Variants in PLD1 observed in about 807,000 individuals in gnomAD.
PLD1 encodes the protein phospholipase D1, also known as choline phosphatase 1.
In PLD1, 112 loss-of-function variants were observed where a neutral mutation model predicts 137.1. That is an observed-to-expected ratio of 0.82 (90% CI 0.70 to 0.96). PLD1 has a LOEUF of 0.96. Ranked by LOEUF, PLD1 falls within the 40% of genes least tolerant of loss-of-function variation. The pLI is 0.00. For missense variants in PLD1, 1,321 were observed against 1,342.0 expected (o/e 0.98, Z 0.24); for synonymous variants, 431 against 454.7 (o/e 0.95, Z 0.66).
intron 12 of PLD1, among the ~76,000 whole-genome samples, chr3:171,697,898 A>C (rs1215388242): frequency 6.6e-6 from 1 of 152,220 alleles, no homozygotes; most frequent in African/African-American, 2.4e-5. Context: ...TTATTTATGT[A>C]CATCCTCATA....
intron 21 of PLD1, among the ~76,000 whole-genome samples, chr3:171,645,711 C>T (rs1028675705): frequency 3.9e-4 from 59 of 151,710 alleles, no homozygotes; most frequent in East Asian, 9.7e-4. Context: ...GGTGAAACCC[C>T]GTCTCTACTA....
chr3:171,691,224 A>C (rs1428880827), intron 13 of PLD1, among the ~76,000 whole-genome samples: 1 of 152,152 alleles, frequency 6.6e-6, no homozygotes, highest in Non-Finnish European at 1.5e-5. Flanking sequence ...TCTCTTGTAG[A>C]TACCATATAG....
chr3:171,675,157 T>C (rs1713223891), intron 18 of PLD1, among the ~76,000 whole-genome samples: 1 of 152,114 alleles, frequency 6.6e-6, no homozygotes. Flanking sequence ...TTGTTTTATA[T>C]TTGTAAAGAC....
In PLD1 at chr3:171,737,745, A is replaced by G. The variant is rs1381266253; in HGVS notation, c.161-86T>C. ...GGCATTCTTTTAAGAATCACGTGTT[A>G]AAACAAGTAAGCCTCTTATAAAATG... On this transcript the variant is annotated intron_variant, in intron 2 of 26. Coordinates refer to ENST00000351298, the MANE Select transcript of PLD1 (RefSeq NM_002662.5). 2.4e-6 allele frequency: 3 copies of G among 1,274,744 alleles called. No homozygotes were observed. In the East Asian group the frequency reaches 7.1e-5, roughly 30 times the overall value. The allele number at this position is 1,274,744 out of a possible 1,614,324, so 79.0% of individuals were successfully genotyped here.
In PLD1 at chr3:171,764,859, GAAAGAAAGAAAGAAAGAAAGAAAGAA is replaced by G. The variant is rs1560288053; in HGVS notation, c.-31-26803_-31-26778del. On this transcript the variant is annotated intron_variant, in intron 1 of 26. Transcript: ENST00000351298. The stretch of plus-strand genomic sequence containing the variant: ...AGAAAGAAAGAAAGAAAGAAAGAAA[GAAAGAAAGAAAGAAAGAAAGAAAGAA>G]AGAAAGAAAGGAAGGAAGGAAGGAA... Among the ~76,000 whole-genome samples, 2 of 22,468 alleles carry G rather than the reference GAAAGAAAGAAAGAAAGAAAGAAAGAA, an allele frequency of 8.9e-5. 1 individual carries two copies. The highest frequency in any genetic ancestry group is 3.8e-4 in the African/African-American group (2 of 5,330). The allele number at this position is 22,468 out of a possible 152,430, so 14.7% of individuals were successfully genotyped here. A position where few individuals can be genotyped will look rare whatever the true frequency, so the allele number is the denominator to read the frequency against.
intron 11 of PLD1, 89 bp from the exon 12 acceptor site, chr3:171,699,915 A>C: frequency 1.1e-6 from 1 of 934,816 alleles, no homozygotes; most frequent in Non-Finnish European, 1.7e-6. Flanking sequence ...TTTCAGCCCA[A>C]TTCAACCCCA....
At chr3:171,664,478 G>A (rs1185066196) in intron 19 of PLD1, among the ~76,000 whole-genome samples, 1 of 144,880 alleles carries the variant, frequency 6.9e-6, no homozygotes, top group Admixed American at 6.8e-5. Context: ...TTTTTTTTGA[G>A]ACGGAGTCTT....
chr3:171,781,156 G>T (rs185438894), intron 1 of PLD1, among the ~76,000 whole-genome samples: 7 of 151,852 alleles, frequency 4.6e-5, no homozygotes, highest in African/African-American at 1.4e-4. Flanking sequence ...CTCAGAAATA[G>T]ATGCACACTT....
At chr3:171,807,688 G>T (rs1313992101) in intron 1 of PLD1, among the ~76,000 whole-genome samples, 2 of 152,186 alleles carry the variant, frequency 1.3e-5, no homozygotes, top group African/African-American at 4.8e-5. Flanking sequence ...ACTCAAAACG[G>T]AACTACCATT....
rs1331804804 is a variant in PLD1, at chr3:171,627,063, CA to C, written c.2594-6544del. ...GCTCCAATTAAAAGACACAGACTGG[CA>C]AATTGGATAAAGAGTCAAGACCCAT... On this transcript the variant is annotated intron_variant, in intron 23 of 26. Transcript: ENST00000351298. 2.0e-5 allele frequency among the ~76,000 whole-genome samples: 3 copies of C among 152,116 alleles called. No homozygotes were observed. In the East Asian group the frequency reaches 5.8e-4, roughly 29 times the overall value.
At position 171,692,445 on chromosome 3, in the gene PLD1, GT is replaced by G. The variant is rs746201727; in HGVS notation, c.1228-4del. 3 of 1,458,232 alleles carry G rather than the reference GT, an allele frequency of 2.1e-6. No homozygotes were observed. The highest frequency in any genetic ancestry group is 2.9e-6 in the Non-Finnish European group (3 of 1,038,446). The allele number at this position is 1,458,232 out of a possible 1,614,324, so 90.3% of individuals were successfully genotyped here. On this transcript the variant is annotated splice_region_variant and splice_polypyrimidine_tract_variant and intron_variant, in intron 12 of 26. Transcript: ENST00000351298. ...ATGAAGATCCTCACTCCTTGTTGCT[GT>G]CACAGGAGAAAACCGATGGAGGAAT... is the stretch of plus-strand genomic sequence containing the variant.
chr3:171,669,745 T>C (rs1397338968), intron 19 of PLD1, among the ~76,000 whole-genome samples: 2 of 152,248 alleles, frequency 1.3e-5, no homozygotes, highest in East Asian at 1.9e-4. Context: ...AAGGCTGTTT[T>C]TGATGGAACT....
intron 21 of PLD1, among the ~76,000 whole-genome samples, chr3:171,652,787 T>TG (rs1736897747): frequency 8.2e-6 from 1 of 121,472 alleles, no homozygotes; most frequent in Admixed American, 7.9e-5. Context: ...TTTTTTTTTT[T>TG]TTTTTTTTGT....
At chr3:171,733,591 C>A in intron 5 of PLD1, 82 bp from the exon 6 acceptor site, 1 of 576,496 alleles carries the variant, frequency 1.7e-6, no homozygotes, top group Non-Finnish European at 3.1e-6. Flanking sequence ...ATGATGAGAT[C>A]ATCATTTTCA....
At chr3:171,630,214 G>T (rs1734540045) in intron 23 of PLD1, among the ~76,000 whole-genome samples, 1 of 150,750 alleles carries the variant, frequency 6.6e-6, no homozygotes, top group African/African-American at 2.5e-5. Context: ...GACATGAACA[G>T]ACACTTCTCA....
intron 1 of PLD1, among the ~76,000 whole-genome samples, chr3:171,739,433 G>C (rs1386613836): frequency 1.3e-5 from 2 of 152,150 alleles, no homozygotes; most frequent in African/African-American, 4.8e-5. Flanking sequence ...AAGTTCCCTG[G>C]AACTATGTAA....
At chr3:171,605,225 G>T in intron 26 of PLD1, 74 bp downstream of exon 26, 1 of 883,336 alleles carries the variant, frequency 1.1e-6, no homozygotes, top group Non-Finnish European at 1.9e-6. Context: ...CCAATAATAT[G>T]CAGAAATAAC....
chr3:171,667,309 AC>A (rs1214037210), intron 19 of PLD1, among the ~76,000 whole-genome samples: 1 of 152,172 alleles, frequency 6.6e-6, no homozygotes, highest in Non-Finnish European at 1.5e-5. Flanking sequence ...CAAGAAATTG[AC>A]CTAGTTCAAG....
intron 24 of PLD1, among the ~76,000 whole-genome samples, chr3:171,614,885 C>G (rs1399592215): frequency 6.6e-6 from 1 of 152,184 alleles, no homozygotes; most frequent in Non-Finnish European, 1.5e-5. Context: ...CCCCGACACT[C>G]CCGAGGTGAG....
Sources: allele counts gnomAD v4.1 joint callset (sites outside exome capture counted in the v4.1 genomes callset), GRCh38; gene constraint gnomAD v4.1.1; transcripts MANE v1.5; gene names NCBI Gene and HGNC (gene_info 2026-07-23, HGNC 2026-07-21).